GXYLT2: variants seen among roughly 807,000 people sequenced by gnomAD.
GXYLT2 encodes the protein glucoside xylosyltransferase 2, also known as glycosyltransferase 8 domain containing 4.
In GXYLT2, 53 loss-of-function variants were observed where a neutral mutation model predicts 45.8. The observed-to-expected ratio is 1.16, with a 90% confidence interval of 0.93 to 1.46. The LOEUF (loss-of-function observed/expected upper bound fraction) is 1.46, where lower values mean the gene tolerates loss of function less well. Ranked by LOEUF, GXYLT2 falls within the 40% of genes most tolerant of loss-of-function variation. The pLI, the probability that GXYLT2 is intolerant of heterozygous loss-of-function variation, is 0.00. For missense variants in GXYLT2, 551 were observed against 544.4 expected (o/e 1.01, Z -0.12); for synonymous variants, 219 against 214.2 (o/e 1.02, Z -0.19).
At position 72,895,240 on chromosome 3, in the gene GXYLT2, C is replaced by T. The variant is rs148201954; in HGVS notation, c.275+6732C>T. Among the ~76,000 whole-genome samples, 998 of 151,610 alleles carry T rather than the reference C, an allele frequency of 6.6e-3. 13 individuals carry two copies. Among genetic ancestry groups the T allele is most frequent in the African/African-American group, 0.023 (953 of 41,418 alleles). ...GCAGAGCAACCCAGATGGGGTAGGGCGGAGTGGGGTCAGGTGGGCTGGTGG... is the reference window on the plus strand; with the variant it reads ...GCAGAGCAACCCAGATGGGGTAGGGTGGAGTGGGGTCAGGTGGGCTGGTGG... On this transcript the variant is annotated intron_variant, in intron 1 of 6. Transcript: ENST00000389617.
intron 5 of GXYLT2, among the ~76,000 whole-genome samples, chr3:72,963,798 A>T (rs539580019): frequency 1.1e-4 from 16 of 150,358 alleles, no homozygotes; most frequent in African/African-American, 3.4e-4. Flanking sequence ...TCACCCTCCC[A>T]AGTAGCTGCA....
At chr3:72,919,545 G>A (rs572202421) in intron 2 of GXYLT2, among the ~76,000 whole-genome samples, 4 of 152,268 alleles carry the variant, frequency 2.6e-5, no homozygotes, top group Non-Finnish European at 5.9e-5. Context: ...ACCTGAGGTC[G>A]GGAGTTTGAG....
At chr3:72,948,558 G>T (rs183632332) in intron 3 of GXYLT2, among the ~76,000 whole-genome samples, 385 of 152,298 alleles carry the variant, frequency 2.5e-3, no homozygotes, top group Non-Finnish European at 4.4e-3. Flanking sequence ...AAAATCCCGG[G>T]CCAGGCGCAG....
chr3:72,964,603 G>A (rs1168821155), intron 5 of GXYLT2, among the ~76,000 whole-genome samples: 1 of 152,214 alleles, frequency 6.6e-6, no homozygotes, highest in Admixed American at 6.5e-5. Context: ...TTACAGGCGT[G>A]AGCCATTGCA....
intron 2 of GXYLT2, among the ~76,000 whole-genome samples, chr3:72,920,937 C>T (rs777770214): frequency 3.6e-4 from 55 of 151,878 alleles, no homozygotes; most frequent in Non-Finnish European, 5.9e-4. Context: ...TCTCCTGCCT[C>T]AGCCTCCTGA....
At position 72,926,354 on chromosome 3, in the gene GXYLT2, C is replaced by A. The variant is rs77730184; in HGVS notation, c.600+4019C>A. ...AAATCAGTGGACATTTACTCCTCTA[C>A]TTCTGTGACTAATGGTCCTATGACA... On this transcript the variant is annotated intron_variant, in intron 3 of 6. Coordinates refer to ENST00000389617, the MANE Select transcript of GXYLT2 (RefSeq NM_001080393.2). Among the ~76,000 whole-genome samples the A allele has an allele frequency of 9.0e-3, 1,371 of 152,284 alleles. 19 individuals are homozygous for A. Among genetic ancestry groups the A allele is most frequent in the African/African-American group, 0.031 (1,282 of 41,544 alleles).
intron 3 of GXYLT2, chr3:72,927,331 G>A (rs1575794260): frequency 6.6e-6 from 1 of 152,238 alleles, no homozygotes; most frequent in East Asian, 1.9e-4. Context: ...ATATTTCAAA[G>A]GACTACCATG....
intron 3 of GXYLT2, chr3:72,929,564 G>A (rs1709985373): frequency 8.8e-6 from 10 of 1,133,312 alleles, no homozygotes; most frequent in Non-Finnish European, 1.2e-5. Flanking sequence ...TCTTTGACAA[G>A]CACACGCTGG....
intron 1 of GXYLT2, among the ~76,000 whole-genome samples, chr3:72,902,346 A>AT (rs1449988542): frequency 6.6e-6 from 1 of 152,208 alleles, no homozygotes; most frequent in Non-Finnish European, 1.5e-5. Flanking sequence ...AAGTACATTT[A>AT]TTTTTAAAAG....
chr3:72,945,783 G>T (rs1710391550), intron 3 of GXYLT2, among the ~76,000 whole-genome samples: 1 of 152,200 alleles, frequency 6.6e-6, no homozygotes, highest in South Asian at 2.1e-4. Flanking sequence ...GGGAAAGAGG[G>T]CAGAATGCGC....
chr3:72,953,283 A>G (rs1041287890), intron 3 of GXYLT2, among the ~76,000 whole-genome samples: 1 of 151,992 alleles, frequency 6.6e-6, no homozygotes, highest in Non-Finnish European at 1.5e-5. Flanking sequence ...CTCTCTTAAT[A>G]TTATTATTGT....
At chr3:72,952,113 G>A (rs1710540410) in intron 3 of GXYLT2, among the ~76,000 whole-genome samples, 1 of 150,532 alleles carries the variant, frequency 6.6e-6, no homozygotes, top group South Asian at 2.1e-4. Context: ...AGCAATTCTT[G>A]TACCTCAGCC....
chr3:72,962,781 A>G (rs995948850), intron 5 of GXYLT2, among the ~76,000 whole-genome samples: 1 of 152,134 alleles, frequency 6.6e-6, no homozygotes, highest in Non-Finnish European at 1.5e-5. Flanking sequence ...AGATGGAGGA[A>G]ACAAATGAGG....
chr3:72,892,040 A>G (rs1322112245), intron 1 of GXYLT2, among the ~76,000 whole-genome samples: 2 of 152,240 alleles, frequency 1.3e-5, no homozygotes, highest in African/African-American at 2.4e-5. Flanking sequence ...ACTGCTAATC[A>G]GTGCAATATT....
At chr3:72,925,945 A>G (rs1310948130) in intron 3 of GXYLT2, among the ~76,000 whole-genome samples, 2 of 152,196 alleles carry the variant, frequency 1.3e-5, no homozygotes, top group Non-Finnish European at 2.9e-5. Context: ...GTTGTATATC[A>G]CAACAGCAGA....
rs1283715267 is a variant in GXYLT2 at position 72,888,080 on chromosome 3, C to T, written c.-154C>T. 1.0e-5 allele frequency: 3 copies of T among 295,988 alleles called. No homozygotes were observed. Among genetic ancestry groups the T allele is most frequent in the Non-Finnish European group, 9.9e-6 (2 of 201,204 alleles). The allele number at this position is 295,988 out of a possible 1,614,324, so 18.3% of individuals were successfully genotyped here. The stretch of plus-strand genomic sequence containing the variant: ...CTCTCCTCCTCCTTCGCCGTCGCCG[C>T]CGCCGCCGGCCGCCCGCCGGCCGCC... On this transcript the variant is annotated 5_prime_UTR_variant, in exon 1 of 7. Transcript: ENST00000389617.
chr3:72,971,404 A>C (rs1559754474), intron 6 of GXYLT2, among the ~76,000 whole-genome samples: 1 of 152,200 alleles, frequency 6.6e-6, no homozygotes, highest in Non-Finnish European at 1.5e-5. Context: ...CATTCTCTAC[A>C]ATGCTGTGAA....
chr3:72,946,683 C>T (rs755428612), intron 3 of GXYLT2, among the ~76,000 whole-genome samples: 1 of 152,132 alleles, frequency 6.6e-6, no homozygotes, highest in African/African-American at 2.4e-5. Context: ...ACCCTTATAA[C>T]CTTATCACCT....
chr3:72,899,700 A>G (rs1049724205), intron 1 of GXYLT2, among the ~76,000 whole-genome samples: 12 of 152,128 alleles, frequency 7.9e-5, no homozygotes, highest in African/African-American at 2.9e-4. Context: ...GGGCCATATC[A>G]AGGTGTTGTT....
Sources: allele counts gnomAD v4.1 joint callset (sites outside exome capture counted in the v4.1 genomes callset), GRCh38; gene constraint gnomAD v4.1.1; transcripts MANE v1.5; gene names NCBI Gene and HGNC (gene_info 2026-07-23, HGNC 2026-07-21).